Variants in LYSET observed in about 807,000 individuals in gnomAD.
LYSET encodes the protein lysosomal enzyme trafficking factor, also known as GNPTAB cleavage and activity factor.
the LYSET span, chr14:93,186,320 G>C: frequency 4.3e-6 from 7 of 1,614,042 alleles, no homozygotes; most frequent in Admixed American, 5.0e-5. Context: ...GAGTGGGATT[G>C]TATCTGTTAG....
At chr14:93,188,333 G>A in the LYSET span, among the ~76,000 whole-genome samples, 1 of 152,128 alleles carries the variant, frequency 6.6e-6, no homozygotes, top group Non-Finnish European at 1.5e-5. Flanking sequence ...TAATCTTTCT[G>A]ATTTTCTTTT....
chr14:93,186,317 A>C, the LYSET span: 1 of 1,614,164 alleles, frequency 6.2e-7, no homozygotes, highest in Non-Finnish European at 8.5e-7. Flanking sequence ...TTGGAGTGGG[A>C]TTGTATCTGT....
chr14:93,186,736 G>C, the LYSET span: 2 of 1,487,178 alleles, frequency 1.3e-6, no homozygotes, highest in Non-Finnish European at 1.8e-6. Context: ...CTGATCACAA[G>C]ACTGCAGTTT....
chr14:93,186,662 T>G, the LYSET span: 1 of 1,594,012 alleles, frequency 6.3e-7, no homozygotes, highest in African/African-American at 1.4e-5. Context: ...TACAACTGAT[T>G]GACACGTAAA....
the LYSET span, among the ~76,000 whole-genome samples, chr14:93,186,025 C>T: frequency 2.6e-5 from 4 of 151,996 alleles, no homozygotes; most frequent in African/African-American, 9.7e-5. Context: ...CCCGCCACCA[C>T]GCCCGGCTAT....
the LYSET span, chr14:93,186,274 G>C: frequency 6.2e-7 from 1 of 1,612,982 alleles, no homozygotes; most frequent in African/African-American, 1.3e-5. Context: ...AGAGCATGGA[G>C]AATGATGAAC....
chr14:93,186,409 A>G, the LYSET span: 1 of 1,614,140 alleles, frequency 6.2e-7, no homozygotes, highest in Middle Eastern at 1.6e-4. Flanking sequence ...ATTCAACAGC[A>G]CCCTGAGGAG....
the LYSET span, among the ~76,000 whole-genome samples, chr14:93,187,567 T>G: frequency 1.3e-5 from 2 of 152,164 alleles, no homozygotes; most frequent in East Asian, 3.8e-4. Context: ...AGAAATAACT[T>G]ACAAATAGAA....
the LYSET span, chr14:93,185,321 G>C: frequency 2.2e-6 from 3 of 1,356,374 alleles, no homozygotes; most frequent in Non-Finnish European, 3.1e-6. Flanking sequence ...TTAATCACTA[G>C]TAGCTGGTGC....
chr14:93,186,516 C>G, the LYSET span: 1 of 1,614,234 alleles, frequency 6.2e-7, no homozygotes, highest in Non-Finnish European at 8.5e-7. Context: ...ACCTTACTTA[C>G]AGATGTTTTT....
the LYSET span, among the ~76,000 whole-genome samples, chr14:93,188,075 C>CAA: frequency 6.6e-6 from 1 of 152,032 alleles, no homozygotes; most frequent in South Asian, 2.1e-4. Context: ...TCTCCTGCCT[C>CAA]AGACTCCCGA....
the LYSET span, among the ~76,000 whole-genome samples, chr14:93,188,443 T>C: frequency 6.6e-6 from 1 of 152,350 alleles, no homozygotes; most frequent in South Asian, 2.1e-4. Flanking sequence ...CTGGTACTAA[T>C]ACAAATAACT....
chr14:93,186,681 C>A, the LYSET span: 1 of 1,573,856 alleles, frequency 6.4e-7, no homozygotes, highest in Admixed American at 1.9e-5. Context: ...AAATCAGTCA[C>A]CGTTTTTTCC....
At chr14:93,185,485 T>C in the LYSET span, 1 of 1,611,032 alleles carries the variant, frequency 6.2e-7, no homozygotes, top group Non-Finnish European at 8.5e-7. Context: ...TCGGGACCAT[T>C]GTAAGTGCTT....
At chr14:93,186,612 C>T in the LYSET span, 3 of 1,614,060 alleles carry the variant, frequency 1.9e-6, no homozygotes, top group Non-Finnish European at 2.5e-6. Context: ...TTGCAATCGC[C>T]ACCAGGCATT....
At chr14:93,186,230 C>T in the LYSET span, 4 of 1,587,226 alleles carry the variant, frequency 2.5e-6, no homozygotes, top group Non-Finnish European at 2.6e-6. Context: ...ATTACTAGAC[C>T]CTAATTGTAT....
At chr14:93,186,705 A>G in the LYSET span, 1 of 1,556,676 alleles carries the variant, frequency 6.4e-7, no homozygotes, top group Non-Finnish European at 8.7e-7. Context: ...CGATTACAAA[A>G]CTGCCAGTCC....
chr14:93,185,415 C>G, the LYSET span: 1 of 1,612,788 alleles, frequency 6.2e-7, no homozygotes, highest in South Asian at 1.1e-5. Flanking sequence ...AATGCCAAAG[C>G]CACCCGATTA....
chr14:93,186,270 T>C, the LYSET span: 1 of 1,612,730 alleles, frequency 6.2e-7, no homozygotes, highest in South Asian at 1.1e-5. Context: ...GCACAGAGCA[T>C]GGAGAATGAT....
Sources: gnomAD v4.1 joint callset for allele counts (sites outside exome capture counted in the v4.1 genomes callset) on GRCh38, gnomAD v4.1.1 for gene constraint, MANE v1.5 for transcripts, NCBI Gene and HGNC (gene_info 2026-07-23, HGNC 2026-07-21) for gene names.